PTRH1: variants seen among roughly 807,000 people sequenced by gnomAD.
The protein encoded by PTRH1 is peptidyl-tRNA hydrolase.
In PTRH1, 13 loss-of-function variants were observed where a neutral mutation model predicts 15.7. That is an observed-to-expected ratio of 0.83 (90% CI 0.54 to 1.31). The LOEUF (loss-of-function observed/expected upper bound fraction) is 1.31. Among genes scored for constraint, PTRH1 ranks in the 40% most tolerant of loss-of-function variants. The pLI is 0.00. For missense variants in PTRH1, 319 were observed against 296.2 expected (o/e 1.08, Z -0.56); for synonymous variants, 139 against 136.7 (o/e 1.02, Z -0.12).
intron 1 of PTRH1, among the ~76,000 whole-genome samples, chr9:127,708,056 G>A (rs569547498): frequency 3.3e-5 from 5 of 152,298 alleles, no homozygotes; most frequent in South Asian, 2.1e-4. Context: ...CCAGGAAGAG[G>A]AGGCACCAAG....
chr9:127,698,073 CCTA>C (rs1476733747), intron 1 of PTRH1, among the ~76,000 whole-genome samples: 1 of 152,046 alleles, frequency 6.6e-6, no homozygotes, highest in African/African-American at 2.4e-5. Flanking sequence ...TGCAAGAACT[CCTA>C]TACTCAACAA....
chr9:127,711,766 T>G (rs1842770267), downstream of PTRH1: 1 of 1,532,576 alleles, frequency 6.5e-7, no homozygotes, highest in Non-Finnish European at 8.8e-7. Context: ...TGGCTGTGTC[T>G]GCAGCTGGGG....
intron 1 of PTRH1, among the ~76,000 whole-genome samples, chr9:127,703,882 G>A (rs1442889300): frequency 6.6e-6 from 1 of 152,180 alleles, no homozygotes; most frequent in Non-Finnish European, 1.5e-5. Context: ...CTCCAGGTGG[G>A]CCTTGTGGGA....
chr9:127,698,224 G>A (rs542392636), intron 1 of PTRH1, among the ~76,000 whole-genome samples: 4 of 152,142 alleles, frequency 2.6e-5, no homozygotes, highest in South Asian at 2.1e-4. Flanking sequence ...GCAAGACCCC[G>A]AATCTATTTA....
In PTRH1 at chr9:127,714,128, C is replaced by G. The variant is rs565746487; in HGVS notation, c.617G>C (p.Arg206Pro). ...TDLILDHIRE[R>P]SQGPSLGP is the part of the protein sequence containing the mutation. Reference sequence around the variant, plus strand: ...CGGCCCCAGTGAGGGCCCCTGGCTTCGCTCACGGATGTGGTCCAAGATCAG... The same window carrying G: ...CGGCCCCAGTGAGGGCCCCTGGCTTGGCTCACGGATGTGGTCCAAGATCAG... The change falls in exon 5 of 5, where the codon CGA (arginine) becomes CCA (proline). Residue 206 changes from arginine to proline, a missense_variant. Transcript: ENST00000543175. 2 of 1,613,512 alleles carry G rather than the reference C, an allele frequency of 1.2e-6. No homozygotes were observed. Among genetic ancestry groups the G allele is most frequent in the South Asian group, 2.2e-5 (2 of 91,032 alleles).
Position 127,715,032 on chromosome 9 carries a change from C to A in PTRH1, c.259G>T (p.Val87Phe), listed in dbSNP as rs1204262322. 2.0e-6 allele frequency: 3 copies of A among 1,522,146 alleles called. No individual in the cohort carries two copies. Among genetic ancestry groups the A allele is most frequent in the Non-Finnish European group, 2.6e-6 (3 of 1,141,146 alleles). The allele number at this position is 1,522,146 out of a possible 1,614,324, so 94.3% of individuals were successfully genotyped here. ...ATAAGCCGCCGTGGCCGGAGCAGGACCAGTTGGGCATCCCCCAGCGGGGCC... is the reference window on the plus strand; with the variant it reads ...ATAAGCCGCCGTGGCCGGAGCAGGAACAGTTGGGCATCCCCCAGCGGGGCC... ...ALAPLGDAQL[V>F]LLRPRRLMNA... Residue 87 changes from valine (V) to phenylalanine (F), a missense_variant, in exon 2 of 5, where the codon GTC (valine) becomes TTC (phenylalanine). Physicochemically the swap from Val to Phe is conservative, Grantham distance 50 (BLOSUM62 -1). Coordinates refer to ENST00000543175, the MANE Select transcript of PTRH1 (RefSeq NM_001002913.3). The surrounding 1 kb of genome is among the most constrained non-coding windows in gnomAD (Gnocchi z 5.8).
At chr9:127,711,920 T>C, downstream of PTRH1, 1 of 1,605,786 alleles carries the variant, frequency 6.2e-7, no homozygotes, top group South Asian at 1.1e-5. Context: ...CAGAGATCCC[T>C]GCAGCTGCAG....
chr9:127,707,046 G>A (rs1842657588), intron 1 of PTRH1: 17 of 1,613,958 alleles, frequency 1.1e-5, no homozygotes, highest in Non-Finnish European at 1.4e-5. Flanking sequence ...CTCCCAAAAA[G>A]AGTGTGAGCA....
In PTRH1 at chr9:127,707,191, C is replaced by T. The variant is rs749457482; in HGVS notation, c.205+8244G>A. On this transcript the variant is annotated intron_variant, in intron 1 of 2. Transcript: ENST00000335223. ...CCGAGACCTGGAGGACCGGCTAGCC[C>T]GGTGCGTGGGCTGGCGGGCAGGAGT... is the stretch of plus-strand genomic sequence containing the variant. The T allele has an allele frequency of 1.2e-5, 19 of 1,610,648 alleles. No individual in the cohort carries two copies. Among genetic ancestry groups the T allele is most frequent in the South Asian group, 3.3e-5 (3 of 91,010 alleles).
chr9:127,714,287 G>C lies in PTRH1; in HGVS notation c.463-5C>G, dbSNP rs763754948. The C allele has an allele frequency of 5.0e-6, 8 of 1,613,974 alleles. No homozygotes were observed. Among genetic ancestry groups the C allele is most frequent in the Non-Finnish European group, 6.8e-6 (8 of 1,179,916 alleles). The stretch of plus-strand genomic sequence containing the variant: ...CACCCGCAGCCTTGGCATTGCCTGT[G>C]GGAGAGCCAGAGAGGCCCAGGAAGC... On this transcript the variant is annotated splice_region_variant and splice_polypyrimidine_tract_variant and intron_variant, in intron 4 of 4. Coordinates refer to ENST00000543175, the MANE Select transcript of PTRH1 (RefSeq NM_001002913.3).
chr9:127,703,829 C>T (rs535818215), intron 1 of PTRH1, among the ~76,000 whole-genome samples: 1 of 152,308 alleles, frequency 6.6e-6, no homozygotes, highest in South Asian at 2.1e-4. Context: ...CCGGCAGGGC[C>T]CAAGCATTCT....
Position 127,707,041 on chromosome 9 carries a change from A to G in PTRH1, c.205+8394T>C, listed in dbSNP as rs765972226. 5.6e-6 allele frequency: 9 copies of G among 1,613,586 alleles called. No homozygotes were observed. In the East Asian group the frequency reaches 2.0e-4, roughly 36 times the overall value. On this transcript the variant is annotated intron_variant, in intron 1 of 2. Coordinates refer to the PTRH1 transcript ENST00000335223. The stretch of plus-strand genomic sequence containing the variant: ...CTGGTTGCCATCAGCCATGGCTCCC[A>G]AAAAGAGTGTGAGCAAGGCAGGCAA...
intron 1 of PTRH1, chr9:127,707,342 C>T (rs1375713743): frequency 1.3e-6 from 1 of 771,946 alleles, no homozygotes; most frequent in Non-Finnish European, 2.0e-6. Context: ...GCCTCATTTC[C>T]TCATACGTAC....
chr9:127,704,938 G>C (rs1256049424), intron 1 of PTRH1, among the ~76,000 whole-genome samples: 1 of 151,852 alleles, frequency 6.6e-6, no homozygotes, highest in Non-Finnish European at 1.5e-5. Flanking sequence ...TTAGAGATGG[G>C]GGTCTTGCTA....
At chr9:127,713,492 CTTTCT>C, downstream of PTRH1, 4 of 232,930 alleles carry the variant, frequency 1.7e-5, no homozygotes, top group South Asian at 6.8e-5. Flanking sequence ...AAGCCAGCAT[CTTTCT>C]TTTTTTTTTT....
downstream of PTRH1, chr9:127,711,860 A>G: frequency 6.3e-7 from 1 of 1,582,332 alleles, no homozygotes; most frequent in South Asian, 1.2e-5. Flanking sequence ...GAGCAGCAGC[A>G]GGACACCAAG....
At chr9:127,709,526 G>T, downstream of PTRH1, 6 of 1,614,110 alleles carry the variant, frequency 3.7e-6, no homozygotes, top group Admixed American at 1.7e-5. This position sits in a 1 kb window ranked among gnomAD's most constrained non-coding sequence, Gnocchi z 4.7. Context: ...TTCCTCAAGC[G>T]CACGCTCAAC....
chr9:127,713,577 GCTCACAGCAAC>G (rs1376975597), downstream of PTRH1: 4 of 346,584 alleles, frequency 1.2e-5, no homozygotes, highest in Non-Finnish European at 2.1e-5. Context: ...CACAATCTCA[GCTCACAGCAAC>G]CTCCGCCTCC....
intron 1 of PTRH1, among the ~76,000 whole-genome samples, chr9:127,708,313 C>T (rs1588388941): frequency 6.6e-6 from 1 of 152,064 alleles, no homozygotes; most frequent in Non-Finnish European, 1.5e-5. Context: ...CCAGTCTCTA[C>T]TAAAAATACA....
Sources: gnomAD v4.1 joint callset for allele counts (sites outside exome capture counted in the v4.1 genomes callset) on GRCh38, gnomAD v4.1.1 for gene constraint, Gnocchi (gnomAD v3.1) non-coding constraint, MANE v1.5 for transcripts, NCBI Gene and HGNC (gene_info 2026-07-23, HGNC 2026-07-21) for gene names.